GTF2IRD2B: variants seen among roughly 807,000 people sequenced by gnomAD.
GTF2IRD2B encodes the protein general transcription factor II-I repeat domain-containing protein 2B.
A neutral mutation model predicts 55.6 loss-of-function variants in GTF2IRD2B; 10 were observed. The ratio of observed to expected loss-of-function variants is 0.18; its 90% CI spans 0.11 to 0.31. The LOEUF is 0.31. Among genes scored for constraint, GTF2IRD2B ranks in the 10% least tolerant of loss-of-function variants. GTF2IRD2B has a pLI of 1.00. For missense variants in GTF2IRD2B, 206 were observed against 802.7 expected, an observed-to-expected ratio of 0.26 and a Z score of 8.98; for synonymous variants, 107 against 320.5, an observed-to-expected ratio of 0.33 and a Z score of 7.12.
At chr7:75,103,156 A>G (rs1807636468) in intron 1 of GTF2IRD2B, among the ~76,000 whole-genome samples, 1 of 151,066 alleles carries the variant, frequency 6.6e-6, no homozygotes, top group South Asian at 2.1e-4. Flanking sequence ...GCGGGTGCCT[A>G]TAATCCCGGC....
intron 3 of GTF2IRD2B, among the ~76,000 whole-genome samples, chr7:75,116,851 G>A (rs1178051646): frequency 2.0e-5 from 3 of 150,884 alleles, no homozygotes; most frequent in Non-Finnish European, 4.4e-5. Context: ...CACCACATTG[G>A]CCAGCATAGT....
In GTF2IRD2B at chr7:75,092,727, G is replaced by C. The variant is rs1344986007; in HGVS notation, c.-44G>C. On this transcript the variant is annotated 5_prime_UTR_variant, in exon 1 of 16. Coordinates refer to ENST00000472837, the MANE Select transcript of GTF2IRD2B (RefSeq NM_001003795.3). ...GCTGCTCCCCGGTGGCCCAGGCCTCGGACTCCGCGGCCGGCCCGGCGCGGC... is the reference window on the plus strand; with the variant it reads ...GCTGCTCCCCGGTGGCCCAGGCCTCCGACTCCGCGGCCGGCCCGGCGCGGC... 1 of 153,012 alleles carries C rather than the reference G, an allele frequency of 6.5e-6. No homozygotes were observed. Among genetic ancestry groups the C allele is most frequent in the African/African-American group, 2.4e-5 (1 of 41,454 alleles). The allele number at this position is 153,012 out of a possible 1,614,324, so 9.5% of individuals were successfully genotyped here. A position where few individuals can be genotyped will look rare whatever the true frequency, so the allele number is the denominator to read the frequency against.
chr7:75,127,118 C>G (rs1808544178), intron 8 of GTF2IRD2B, among the ~76,000 whole-genome samples: 1 of 150,460 alleles, frequency 6.6e-6, no homozygotes, highest in South Asian at 2.1e-4. Flanking sequence ...AAATAAAGAC[C>G]AGGGCGTGAA....
rs1554536618 is a variant in GTF2IRD2B at position 75,120,833 on chromosome 7, C to T, written c.239-58C>T. On this transcript the variant is annotated intron_variant, in intron 3 of 15. Coordinates refer to ENST00000472837, the MANE Select transcript of GTF2IRD2B (RefSeq NM_001003795.3). ...TTCTTTCAATACCAGAAACAAAGTA[C>T]GGAAGTGTACAGCACAAATGCTTAG... 57 of 1,577,490 alleles carry T rather than the reference C, an allele frequency of 3.6e-5. No individual in the cohort carries two copies. The African/African-American group carries it at 6.3e-4, about 17-fold the overall frequency.
intron 3 of GTF2IRD2B, among the ~76,000 whole-genome samples, chr7:75,117,552 A>G (rs1808203773): frequency 6.6e-6 from 1 of 152,292 alleles, no homozygotes; most frequent in Admixed American, 6.5e-5. Context: ...CACTTCCACT[A>G]ATACTCCAGC....
intron 1 of GTF2IRD2B, among the ~76,000 whole-genome samples, chr7:75,097,189 C>T (rs1284894602): frequency 1.0e-4 from 1 of 9,688 alleles, no homozygotes; most frequent in Non-Finnish European, 2.0e-4. Flanking sequence ...AAAACAAGTC[C>T]CAGGTCTGGG....
At position 75,138,693 on chromosome 7, in the gene GTF2IRD2B, G is replaced by A. The variant is rs1249985479; in HGVS notation, c.872-257G>A. 3.3e-5 allele frequency among the ~76,000 whole-genome samples: 4 copies of A among 121,102 alleles called. No homozygotes were observed. The East Asian group carries it at 8.7e-4, about 26-fold the overall frequency. 79.4% of individuals were successfully genotyped at this position (121,102 alleles called of 152,430 possible). A position where few individuals can be genotyped will look rare whatever the true frequency, so the allele number is the denominator to read the frequency against. Reference sequence around the variant, plus strand: ...AAAAAAAAATTAGCCAAGCATGATGGTGCATGTCTGTGGTCCCAGCTACTC... The same window carrying A: ...AAAAAAAAATTAGCCAAGCATGATGATGCATGTCTGTGGTCCCAGCTACTC... On this transcript the variant is annotated intron_variant, in intron 11 of 15. Coordinates refer to ENST00000472837, the MANE Select transcript of GTF2IRD2B (RefSeq NM_001003795.3).
At chr7:75,105,206 CAA>C (rs782706581) in intron 1 of GTF2IRD2B, among the ~76,000 whole-genome samples, 1 of 150,652 alleles carries the variant, frequency 6.6e-6, no homozygotes, top group African/African-American at 2.4e-5. Flanking sequence ...AAACAAAAAA[CAA>C]AAAAAAAACA....
chr7:75,149,445 A>C lies in GTF2IRD2B; in HGVS notation c.*148A>C, dbSNP rs1809263659. The C allele has an allele frequency of 1.6e-5, 10 of 609,072 alleles. 1 individual carries two copies. The South Asian group carries it at 2.0e-4, about 12-fold the overall frequency. 37.7% of individuals were successfully genotyped at this position (609,072 alleles called of 1,614,324 possible). A position where few individuals can be genotyped will look rare whatever the true frequency, so the allele number is the denominator to read the frequency against. The stretch of plus-strand genomic sequence containing the variant: ...GCCCAGGTTGGAGTGCAGTGGCGTG[A>C]TCTCGGCTTACTGCAACTTCCAGCT... On this transcript the variant is annotated 3_prime_UTR_variant, in exon 16 of 16. Coordinates refer to ENST00000472837, the MANE Select transcript of GTF2IRD2B (RefSeq NM_001003795.3).
intron 8 of GTF2IRD2B, among the ~76,000 whole-genome samples, chr7:75,130,149 CCTT>C (rs1378165018): frequency 5.0e-5 from 5 of 99,652 alleles, no homozygotes; most frequent in African/African-American, 1.8e-4. Flanking sequence ...TTCTTTCTTT[CCTT>C]CTTTCTTTCT....
chr7:75,112,318 T>G, intron 2 of GTF2IRD2B, 79 bp from the exon 3 acceptor site: 3 of 340,906 alleles, frequency 8.8e-6, no homozygotes, highest in South Asian at 5.2e-5. Flanking sequence ...AATTTTGTAT[T>G]CTTAAATCAG....
rs1475850593 is a variant in GTF2IRD2B, at chr7:75,105,506, A to AAAAC, written c.-5-3444_-5-3441dup. Among the ~76,000 whole-genome samples the AAAAC allele has an allele frequency of 2.0e-5, 3 of 152,422 alleles. No individual in the cohort carries two copies. The East Asian group carries it at 5.8e-4, about 29-fold the overall frequency. ...GTGACAGAGTGATATTCCACCTCAA[A>AAAAC]AAACAAACAAACAGACAACCAAATC... On this transcript the variant is annotated intron_variant, in intron 1 of 15. Coordinates refer to ENST00000472837, the MANE Select transcript of GTF2IRD2B (RefSeq NM_001003795.3).
At chr7:75,147,513 G>A (rs1287835776) in intron 15 of GTF2IRD2B, among the ~76,000 whole-genome samples, 181 bp from the exon 16 acceptor site, 2 of 152,036 alleles carry the variant, frequency 1.3e-5, no homozygotes, top group African/African-American at 4.8e-5. Context: ...CGTCCTGGCA[G>A]CGGTTTGCTG....
chr7:75,119,231 A>AAAAAAAAAAAAAAAT (rs1808283862), intron 3 of GTF2IRD2B, among the ~76,000 whole-genome samples: 1 of 105,080 alleles, frequency 9.5e-6, no homozygotes, highest in Non-Finnish European at 2.2e-5. Flanking sequence ...AAAAAAAAAA[A>AAAAAAAAAAAAAAAT]GAATGAAATG....
chr7:75,122,827 C>T (rs1554536297), intron 4 of GTF2IRD2B, among the ~76,000 whole-genome samples: 4 of 150,150 alleles, frequency 2.7e-5, no homozygotes, highest in Non-Finnish European at 4.4e-5. Flanking sequence ...GTGGGTAGAT[C>T]GCCTGAGCTC....
At chr7:75,123,740 T>A in intron 6 of GTF2IRD2B, 2 of 657,054 alleles carry the variant, frequency 3.0e-6, no homozygotes, top group South Asian at 1.7e-5. Context: ...TAGCCGGGCG[T>A]GGTGGCGGGC....
chr7:75,115,920 T>TTC (rs1262838503), intron 3 of GTF2IRD2B, among the ~76,000 whole-genome samples: 5 of 138,664 alleles, frequency 3.6e-5, no homozygotes, highest in Admixed American at 7.2e-5. Flanking sequence ...TTTTCTTTCT[T>TTC]TTTTTTTTTT....
intron 1 of GTF2IRD2B, among the ~76,000 whole-genome samples, chr7:75,096,536 G>A (rs1258289753): frequency 1.1e-5 from 1 of 94,700 alleles, no homozygotes; most frequent in African/African-American, 5.8e-5. Context: ...AATTCTCCCC[G>A]CCTCAGCCTC....
At chr7:75,118,494 T>C (rs1247036486) in intron 3 of GTF2IRD2B, among the ~76,000 whole-genome samples, 2 of 151,498 alleles carry the variant, frequency 1.3e-5, no homozygotes, top group Non-Finnish European at 2.9e-5. Flanking sequence ...ATTTGCTCCC[T>C]CCTGGGTCCC....
Sources: gnomAD v4.1 joint callset for allele counts (sites outside exome capture counted in the v4.1 genomes callset) on GRCh38, gnomAD v4.1.1 for gene constraint, MANE v1.5 for transcripts, NCBI Gene and HGNC (gene_info 2026-07-23, HGNC 2026-07-21) for gene names.